Variants in TNS2 observed in about 807,000 individuals in gnomAD.
TNS2 encodes the protein tensin-2.
TNS2 carries 77 observed loss-of-function variants against 155.7 expected under a neutral mutation model. That is an observed-to-expected ratio of 0.49 (90% confidence interval 0.41 to 0.60). The LOEUF (loss-of-function observed/expected upper bound fraction) is 0.60, where lower values mean the gene tolerates loss of function less well. Ranked by LOEUF, TNS2 falls within the 20% of genes least tolerant of loss-of-function variation. The pLI, the probability that TNS2 is intolerant of heterozygous loss-of-function variation, is 0.00. For synonymous variants in TNS2, 726 were observed against 763.9 expected, an observed-to-expected ratio of 0.95 and a Z score of 0.82; for missense variants, 1,703 against 1,868.8, an observed-to-expected ratio of 0.91 and a Z score of 1.64.
Position 53,060,219 on chromosome 12 carries a change from C to T in TNS2, c.2578C>T (p.Pro860Ser), listed in dbSNP as rs750703028. 2 of 1,556,442 alleles carry T rather than the reference C, an allele frequency of 1.3e-6. No individual in the cohort carries two copies. Among genetic ancestry groups the T allele is most frequent in the Admixed American group, 1.8e-5 (1 of 55,682 alleles). The change falls in exon 18 of 29, where the codon CCT becomes TCT. Residue 860 changes from proline to serine, a missense_variant. Pro to Ser is a moderately conservative substitution (Grantham distance 74, BLOSUM62 -1). Transcript: ENST00000314250. This position sits in a 1 kb window ranked among gnomAD's most constrained non-coding sequence, Gnocchi z 6.1. ...GGAGGGAGGGGACAGGTACCCATTGCCTGGGCACCTGGCCTCAGCAGGACC... is the reference window on the plus strand; with the variant it reads ...GGAGGGAGGGGACAGGTACCCATTGTCTGGGCACCTGGCCTCAGCAGGACC... ...TEEGGDRYPL[P>S]GHLASAGPLA... is the part of the protein sequence containing the mutation.
intron 2 of TNS2, 38 bp downstream of exon 2, chr12:53,052,001 C>A: frequency 2.7e-6 from 4 of 1,506,032 alleles, no homozygotes; most frequent in Non-Finnish European, 3.7e-6. Context: ...GACCCTCCAC[C>A]CAGTACCACT....
chr12:53,062,308 C>A, intron 23 of TNS2, 63 bp downstream of exon 23: 1 of 1,612,748 alleles, frequency 6.2e-7, no homozygotes, highest in South Asian at 1.1e-5. Flanking sequence ...CAAGGGATCT[C>A]AGGAGGATGG....
intron 1 of TNS2, among the ~76,000 whole-genome samples, chr12:53,051,398 G>C (rs1034014981): frequency 1.2e-4 from 19 of 152,228 alleles, no homozygotes; most frequent in Admixed American, 1.2e-3. Flanking sequence ...AGCAGGACTG[G>C]CTGAGGCCAC....
At chr12:53,053,938 G>A (rs1944033948) in intron 5 of TNS2, 27 bp from the exon 6 acceptor site, 6 of 1,614,032 alleles carry the variant, frequency 3.7e-6, no homozygotes, top group Admixed American at 1.7e-5. Context: ...CCAAAGAGAT[G>A]TCTAGACACT....
chr12:53,063,088 G>A lies in TNS2; in HGVS notation c.3824-1G>A. On this transcript the variant is annotated splice_acceptor_variant, in intron 25 of 28. Coordinates refer to ENST00000314250, the MANE Select transcript of TNS2 (RefSeq NM_170754.4). LOFTEE classifies it high-confidence loss of function. This position sits in a 1 kb window ranked among gnomAD's most constrained non-coding sequence, Gnocchi z 5.6. ...CCCTGACCCACTCCCTGCCCCTGTA[G>A]CCTGCAGCGTGCTCTACTTGACCTC... is the stretch of plus-strand genomic sequence containing the variant. 6.5e-7 allele frequency: 1 copy of A among 1,535,734 alleles called. No individual in the cohort carries two copies. The highest frequency in any genetic ancestry group is 8.7e-7 in the Non-Finnish European group (1 of 1,143,904).
chr12:53,053,357 A>G (rs1461949516), intron 3 of TNS2, 54 bp from the exon 4 acceptor site: 4 of 1,610,588 alleles, frequency 2.5e-6, no homozygotes, highest in African/African-American at 1.3e-5. Context: ...CCCATCCTCA[A>G]GCCCACGAGA....
chr12:53,062,026 T>C, intron 22 of TNS2, 86 bp downstream of exon 22: 1 of 1,611,650 alleles, frequency 6.2e-7, no homozygotes, highest in Non-Finnish European at 8.5e-7. Context: ...GGGGGTGCTG[T>C]GCTGGCCATG....
upstream of TNS2, among the ~76,000 whole-genome samples, chr12:53,047,498 C>CGGGGCGT (rs1291981688): frequency 1.3e-5 from 2 of 148,506 alleles, no homozygotes; most frequent in African/African-American, 2.4e-5. Context: ...GCGCGGGGCG[C>CGGGGCGT]GGCCCAGGGC....
In TNS2 at chr12:53,056,162, C is replaced by T. The variant is rs1002123389; in HGVS notation, c.761+317C>T. The T allele has an allele frequency of 4.9e-5, 11 of 224,118 alleles. No individual in the cohort carries two copies. In the East Asian group the frequency reaches 1.3e-3, roughly 26 times the overall value. The allele number at this position is 224,118 out of a possible 1,614,324, so 13.9% of individuals were successfully genotyped here. A position where few individuals can be genotyped will look rare whatever the true frequency, so the allele number is the denominator to read the frequency against. On this transcript the variant is annotated intron_variant, in intron 10 of 28. Coordinates refer to ENST00000314250, the MANE Select transcript of TNS2 (RefSeq NM_170754.4). ...CCTGAGGTCAGGAGTTTGAAACTAG[C>T]CTGGCCAGGTGAAACCCCATCTCTA...
chr12:53,048,446 G>T (rs1943806231), upstream of TNS2, among the ~76,000 whole-genome samples: 1 of 152,194 alleles, frequency 6.6e-6, no homozygotes, highest in South Asian at 2.1e-4. Flanking sequence ...ACAGAAAAAA[G>T]CCACCCCCAC....
In TNS2 at chr12:53,058,609, C is replaced by G; in HGVS notation, c.1263C>G (p.Val421=). 1.9e-5 allele frequency: 30 copies of G among 1,614,140 alleles called. No homozygotes were observed. The highest frequency in any genetic ancestry group is 2.5e-5 in the Non-Finnish European group (30 of 1,180,004). ...CCTTCCAAGCCTCCGTGGAGTTTGT[C>G]TTCTCCTCCAGCCCCGAGAAGATCA... ...RFPFQASVEF[V]FSSSPEKIKG... The change falls in exon 16 of 29, where the codon GTC becomes GTG. Residue 421 remains valine (V), a synonymous_variant. Transcript: ENST00000314250.
chr12:53,058,608 T>C lies in TNS2; in HGVS notation c.1262T>C (p.Val421Ala). The change falls in exon 16 of 29, where the codon GTC becomes GCC. Residue 421 changes from valine to alanine, a missense_variant. Val to Ala is a moderately conservative substitution (Grantham distance 64, BLOSUM62 0). Coordinates refer to ENST00000314250, the MANE Select transcript of TNS2 (RefSeq NM_170754.4). ...RFPFQASVEF[V>A]FSSSPEKIKG... ...CCCTTCCAAGCCTCCGTGGAGTTTGTCTTCTCCTCCAGCCCCGAGAAGATC... is the reference window on the plus strand; with the variant it reads ...CCCTTCCAAGCCTCCGTGGAGTTTGCCTTCTCCTCCAGCCCCGAGAAGATC... 18 of 1,614,064 alleles carry C rather than the reference T, an allele frequency of 1.1e-5. No individual in the cohort carries two copies. The highest frequency in any genetic ancestry group is 1.5e-5 in the Non-Finnish European group (18 of 1,179,966).
In TNS2 at chr12:53,062,160, C is replaced by T. The variant is rs774212378; in HGVS notation, c.3582C>T (p.Pro1194=). ...CCCCTCGCCTCCTCTCAGGGGACCC[C>T]GTGGAACAGCTGGTCCGCCATTTCC... The part of the protein sequence containing the change: ...PPSAQPWKGD[P]VEQLVRHFLI... The change falls in exon 23 of 29, where the codon CCC becomes CCT. Residue 1194 remains proline, a synonymous_variant. Transcript: ENST00000314250. The T allele has an allele frequency of 1.1e-5, 17 of 1,614,002 alleles. No homozygotes were observed. Among genetic ancestry groups the T allele is most frequent in the East Asian group, 2.2e-5 (1 of 44,880 alleles).
At position 53,058,298 on chromosome 12, in the gene TNS2, C is replaced by T; in HGVS notation, c.1096-18C>T. 1 of 1,613,666 alleles carries T rather than the reference C, an allele frequency of 6.2e-7. No homozygotes were observed. The highest frequency in any genetic ancestry group is 8.5e-7 in the Non-Finnish European group (1 of 1,179,790). On this transcript the variant is annotated intron_variant, in intron 14 of 28. Transcript: ENST00000314250. ...GAGGACATGAGGCCTGATCCGCAGCCTCCTGCCTTTCTCCCAGGTAACATG... is the reference window on the plus strand; with the variant it reads ...GAGGACATGAGGCCTGATCCGCAGCTTCCTGCCTTTCTCCCAGGTAACATG...
chr12:53,064,134 A>T lies in TNS2; in HGVS notation c.*252A>T. 2.1e-6 allele frequency: 1 copy of T among 476,648 alleles called. No individual in the cohort carries two copies. Among genetic ancestry groups the T allele is most frequent in the Non-Finnish European group, 3.7e-6 (1 of 267,508 alleles). 29.5% of individuals were successfully genotyped at this position (476,648 alleles called of 1,614,324 possible). On this transcript the variant is annotated 3_prime_UTR_variant, in exon 29 of 29. Coordinates refer to ENST00000314250, the MANE Select transcript of TNS2 (RefSeq NM_170754.4). ...ATGGGTGTGTGAGGGGTGAGGAGGC[A>T]TCAGCAGTTGAGCCCCGAAGGAGAT...
Position 53,062,208 on chromosome 12 carries a change from G to A in TNS2, c.3630G>A (p.Gly1210=). 6.2e-7 allele frequency: 1 copy of A among 1,614,114 alleles called. No homozygotes were observed. The highest frequency in any genetic ancestry group is 8.5e-7 in the Non-Finnish European group (1 of 1,180,024). ...TCCTCATCGAGACTGGGCCCAAAGG[G>A]GTGAAGATCAAGGGCTGCCCCAGTG... is the stretch of plus-strand genomic sequence containing the variant. The part of the protein sequence containing the change: ...RHFLIETGPK[G]VKIKGCPSEP... Residue 1210 remains glycine (G), a synonymous_variant, in exon 23 of 29, where the codon GGG becomes GGA. Transcript: ENST00000314250.
Position 53,050,317 on chromosome 12 carries a change from G to A in TNS2, c.75+57G>A. The A allele has an allele frequency of 2.6e-6, 4 of 1,514,272 alleles. No homozygotes were observed. Among genetic ancestry groups the A allele is most frequent in the South Asian group, 1.3e-5 (1 of 79,096 alleles). The allele number at this position is 1,514,272 out of a possible 1,614,324, so 93.8% of individuals were successfully genotyped here. ...GGCAGGGGTGGAGGTGCGGGCAGTGGGGGAGGGGACCAGGAATCAGGCCAG... is the reference window on the plus strand; with the variant it reads ...GGCAGGGGTGGAGGTGCGGGCAGTGAGGGAGGGGACCAGGAATCAGGCCAG... On this transcript the variant is annotated intron_variant, in intron 1 of 28. Coordinates refer to ENST00000314250, the MANE Select transcript of TNS2 (RefSeq NM_170754.4). The surrounding 1 kb of genome is among the most constrained non-coding windows in gnomAD (Gnocchi z 4.7).
Position 53,053,828 on chromosome 12 carries a change from A to C in TNS2, c.300+16A>C. On this transcript the variant is annotated intron_variant, in intron 5 of 28. Transcript: ENST00000314250. ...AGAGCACCTGGTAAGGTGATGCTGG[A>C]GCAGGAGGGGGAAGCAGGTAGCTTT... The C allele has an allele frequency of 6.2e-7, 1 of 1,613,520 alleles. No homozygotes were observed. The highest frequency in any genetic ancestry group is 8.5e-7 in the Non-Finnish European group (1 of 1,179,738).
Position 53,062,440 on chromosome 12 carries a change from C to T in TNS2, c.3732C>T (p.Arg1244=). 1.2e-6 allele frequency: 2 copies of T among 1,613,942 alleles called. No individual in the cohort carries two copies. The highest frequency in any genetic ancestry group is 1.7e-6 in the Non-Finnish European group (2 of 1,179,956). ...CCATCTCCCTGCCCTGCTGCCTGCG[C>T]ATTCCCAGCAAAGGTGAGTGTCTGG... ...ISPISLPCCL[R]IPSKDPLEET... Residue 1244 remains arginine, a synonymous_variant, in exon 24 of 29, where the codon CGC becomes CGT. Transcript: ENST00000314250.
Sources: allele counts gnomAD v4.1 joint callset (sites outside exome capture counted in the v4.1 genomes callset), GRCh38; gene constraint gnomAD v4.1.1; non-coding constraint Gnocchi (gnomAD v3.1); transcripts MANE v1.5; gene names NCBI Gene and HGNC (gene_info 2026-07-23, HGNC 2026-07-21).